TOGARAM2: variants seen among roughly 807,000 people sequenced by gnomAD.
TOGARAM2 encodes TOG array regulator of axonemal microtubules protein 2.
A neutral mutation model predicts 93.3 loss-of-function variants in TOGARAM2; 85 were observed. The observed-to-expected ratio is 0.91, with a 90% confidence interval of 0.76 to 1.09. The LOEUF is 1.09. Among genes scored for constraint, TOGARAM2 ranks in the 50% least tolerant of loss-of-function variants. The probability of loss-of-function intolerance (pLI) is 0.00; values close to 1 mark genes in which losing one functional copy is unlikely to be tolerated. For synonymous variants in TOGARAM2, 593 were observed against 552.8 expected (o/e 1.07, Z -1.02); for missense variants, 1,277 against 1,334.5 (o/e 0.96, Z 0.67).
At chr2:28,967,681 G>A (rs1031112518) in intron 1 of TOGARAM2, among the ~76,000 whole-genome samples, 4 of 151,936 alleles carry the variant, frequency 2.6e-5, no homozygotes, top group Non-Finnish European at 5.9e-5. Context: ...CCAGTTTCCA[G>A]CGCTTACTCC....
intron 6 of TOGARAM2, among the ~76,000 whole-genome samples, chr2:29,010,693 C>T (rs1664191698): frequency 6.6e-6 from 1 of 152,014 alleles, no homozygotes; most frequent in African/African-American, 2.4e-5. Flanking sequence ...TAGGACGCTG[C>T]AGGGCTGGTC....
intron 14 of TOGARAM2, among the ~76,000 whole-genome samples, chr2:29,029,264 T>TACAC (rs146395549): frequency 0.13 from 19,338 of 147,854 alleles, 1,267 homozygotes; most frequent in East Asian, 0.19. Context: ...TATGTGTGTA[T>TACAC]ACACACACAC....
At chr2:29,023,501 A>G (rs1373982772) in intron 12 of TOGARAM2, among the ~76,000 whole-genome samples, 1 of 152,086 alleles carries the variant, frequency 6.6e-6, no homozygotes, top group Non-Finnish European at 1.5e-5. Flanking sequence ...CAGATCCCCA[A>G]CTCCAGGGCA....
At chr2:29,019,722 C>G (rs1302439339) in intron 10 of TOGARAM2, among the ~76,000 whole-genome samples, 4 of 152,234 alleles carry the variant, frequency 2.6e-5, no homozygotes, top group Non-Finnish European at 5.9e-5. Flanking sequence ...AGCCAACATT[C>G]TCCTCTTACA....
In TOGARAM2 at chr2:29,024,300, C is replaced by T; in HGVS notation, c.1779C>T (p.Gly593=). 6.2e-7 allele frequency: 1 copy of T among 1,613,380 alleles called. No individual in the cohort carries two copies. Among genetic ancestry groups the T allele is most frequent in the Non-Finnish European group, 8.5e-7 (1 of 1,179,646 alleles). Residue 593 remains glycine (G), a synonymous_variant, in exon 13 of 20, where the codon GGC becomes GGT. Transcript: ENST00000379558. ...DTNEFIQRAA[G]QSLRAMVENV... is the part of the protein sequence containing the mutation. Reference sequence around the variant, plus strand: ...ACGAGTTCATCCAGAGAGCAGCCGGCCAGTCTCTGAGGGCTATGGTGGAGA... The same window carrying T: ...ACGAGTTCATCCAGAGAGCAGCCGGTCAGTCTCTGAGGGCTATGGTGGAGA...
chr2:29,037,654 A>C (rs1666200496), intron 18 of TOGARAM2, among the ~76,000 whole-genome samples: 1 of 151,170 alleles, frequency 6.6e-6, no homozygotes, highest in African/African-American at 2.4e-5. Flanking sequence ...CCTTGGCTGG[A>C]GGCTCCAGGA....
chr2:28,961,636 C>T (rs188067203), intron 1 of TOGARAM2, among the ~76,000 whole-genome samples: 52 of 152,278 alleles, frequency 3.4e-4, no homozygotes, highest in Non-Finnish European at 5.0e-4. Context: ...CCACTGCACC[C>T]GGCATGAGGT....
rs2148279989 is a variant in TOGARAM2, at chr2:28,999,210, C to A, written c.169C>A (p.Leu57Met). 6.2e-7 allele frequency: 1 copy of A among 1,613,676 alleles called. No homozygotes were observed. The highest frequency in any genetic ancestry group is 2.2e-5 in the East Asian group (1 of 44,880). ...TCTCCAGCCTGAGCCAAGAGCCCTG[C>A]TGAACAACGAGGAACCGTCACAGCT... ...GSLQPEPRAL[L>M]NNEEPSQLLR... Residue 57 changes from leucine (L) to methionine (M), a missense_variant, in exon 4 of 20, where the codon CTG becomes ATG. Physicochemically the swap from Leu to Met is conservative, Grantham distance 15. Transcript: ENST00000379558.
In TOGARAM2 at chr2:29,045,406, G is replaced by T; in HGVS notation, c.2718G>T (p.Leu906=). The T allele has an allele frequency of 6.2e-7, 1 of 1,613,034 alleles. No homozygotes were observed. The highest frequency in any genetic ancestry group is 8.5e-7 in the Non-Finnish European group (1 of 1,179,848). Residue 906 remains leucine, a synonymous_variant, in exon 19 of 20, where the codon CTG becomes CTT. Transcript: ENST00000379558. The stretch of plus-strand genomic sequence containing the variant: ...CGGTGCTGGATGTCACAGATCGCCT[G>T]GCAGGTGAGCACCCCCAGCCCCACC... ...GRAVLDVTDR[L]AVLVASVYPR...
At chr2:29,036,256 T>C (rs1416920965) in intron 17 of TOGARAM2, among the ~76,000 whole-genome samples, 2 of 152,202 alleles carry the variant, frequency 1.3e-5, no homozygotes, top group African/African-American at 4.8e-5. Flanking sequence ...ATGTGCTCCA[T>C]GGGTTGTTAA....
rs767814855 is a variant in TOGARAM2 at position 29,051,993 on chromosome 2, TAGACTC to T, written c.2964_2969del (p.Asp988_Ser989del). On this transcript the variant is annotated inframe_deletion, in exon 20 of 20. Transcript: ENST00000379558. ...GTCCTCAAGACGCTCCAGGAACTCT[TAGACTC>T]AGAGTCCTTGGGAGGCAGCCGCAAG... The T allele has an allele frequency of 8.7e-6, 14 of 1,613,248 alleles. No individual in the cohort carries two copies. In the Admixed American group the frequency reaches 2.0e-4, roughly 23 times the overall value.
In TOGARAM2 at chr2:29,011,498, C is replaced by T; in HGVS notation, c.874C>T (p.Leu292=). Residue 292 remains leucine, a synonymous_variant, in exon 7 of 20, where the codon CTG becomes TTG. Coordinates refer to ENST00000379558, the MANE Select transcript of TOGARAM2 (RefSeq NM_199280.4). ...GCCTCGGGAGAAGACCCCTGCATCT[C>T]TGGGTACGTATCTTCCATGCACACC... ...SGPREKTPAS[L]EPKPLASPIR... 1 of 1,605,872 alleles carries T rather than the reference C, an allele frequency of 6.2e-7. No homozygotes were observed.
At chr2:28,987,396 TCTC>T (rs1672515877) in intron 1 of TOGARAM2, among the ~76,000 whole-genome samples, 4 of 152,106 alleles carry the variant, frequency 2.6e-5, no homozygotes. Flanking sequence ...TTCACGCCAT[TCTC>T]CTGCCTCAGC....
At chr2:29,042,006 C>T (rs1666467400) in intron 18 of TOGARAM2, among the ~76,000 whole-genome samples, 1 of 152,212 alleles carries the variant, frequency 6.6e-6, no homozygotes, top group African/African-American at 2.4e-5. Flanking sequence ...AGTATCATCC[C>T]CATTTTATAG....
chr2:28,975,895 G>A (rs1266526682), intron 1 of TOGARAM2, among the ~76,000 whole-genome samples: 8 of 152,086 alleles, frequency 5.3e-5, no homozygotes, highest in Admixed American at 4.6e-4. Context: ...TGCTGATGAT[G>A]GGATGGAATT....
At position 29,017,267 on chromosome 2, in the gene TOGARAM2, C is replaced by T. The variant is rs765247449; in HGVS notation, c.1158C>T (p.Ser386=). 4 of 1,612,690 alleles carry T rather than the reference C, an allele frequency of 2.5e-6. No individual in the cohort carries two copies. The highest frequency in any genetic ancestry group is 1.1e-5 in the South Asian group (1 of 90,900). The part of the protein sequence containing the change: ...EEPRTGQELT[S]QCLGSQRAFM... Reference sequence around the variant, plus strand: ...CCAGGACAGGGCAGGAGCTCACTTCCCAGTGCCTGGGCTCCCAGAGAGCCT... The same window carrying T: ...CCAGGACAGGGCAGGAGCTCACTTCTCAGTGCCTGGGCTCCCAGAGAGCCT... Residue 386 remains serine, a synonymous_variant, in exon 9 of 20, where the codon TCC becomes TCT. Transcript: ENST00000379558.
At chr2:28,983,414 C>A (rs1263610780) in intron 1 of TOGARAM2, among the ~76,000 whole-genome samples, 1 of 151,428 alleles carries the variant, frequency 6.6e-6, no homozygotes, top group Non-Finnish European at 1.5e-5. Flanking sequence ...AGGGGCATAC[C>A]CTGTGTGGTC....
intron 10 of TOGARAM2, among the ~76,000 whole-genome samples, chr2:29,021,695 T>C (rs1558442526): frequency 6.6e-6 from 1 of 152,152 alleles, no homozygotes; most frequent in Non-Finnish European, 1.5e-5. Flanking sequence ...CACAAAAGGC[T>C]GGATAGCAAG....
chr2:29,017,193 CA>C lies in TOGARAM2; in HGVS notation c.1085del (p.Gln362ArgfsTer2), dbSNP rs1664631564. 6.2e-7 allele frequency: 1 copy of C among 1,613,728 alleles called. No homozygotes were observed. The highest frequency in any genetic ancestry group is 1.1e-5 in the South Asian group (1 of 91,068). On this transcript the variant is annotated frameshift_variant, in exon 9 of 20. Transcript: ENST00000379558. LOFTEE classifies it high-confidence loss of function. ...CTCCAAGTCTGCCCGGGAGAAGATGCAGCTGAAGCAGATGAAGGAGATGGAG... is the reference window on the plus strand; with the variant it reads ...CTCCAAGTCTGCCCGGGAGAAGATGCGCTGAAGCAGATGAAGGAGATGGAG... Reference protein sequence around the residue: ...TISKSAREKMQLKQMKEMELL... With the variant: ...TISKSAREKMXLKQMKEMELL...
Sources: allele counts gnomAD v4.1 joint callset (sites outside exome capture counted in the v4.1 genomes callset), GRCh38; gene constraint gnomAD v4.1.1; transcripts MANE v1.5; gene names NCBI Gene and HGNC (gene_info 2026-07-23, HGNC 2026-07-21).